PLXDC2: variants seen among roughly 807,000 people sequenced by gnomAD.
PLXDC2 encodes the protein plexin domain containing 2.
PLXDC2 carries 40 observed loss-of-function variants against 68.9 expected under a neutral mutation model. That is an observed-to-expected ratio of 0.58 (90% confidence interval 0.45 to 0.76). PLXDC2 has a LOEUF of 0.76. Among genes scored for constraint, PLXDC2 ranks in the 30% least tolerant of loss-of-function variants. The pLI is 0.00. For synonymous variants in PLXDC2, 243 were observed against 234.2 expected (o/e 1.04, Z -0.34); for missense variants, 644 against 661.9 (o/e 0.97, Z 0.30).
intron 1 of PLXDC2, among the ~76,000 whole-genome samples, chr10:19,927,009 G>A (rs1833547627): frequency 6.6e-6 from 1 of 152,134 alleles, no homozygotes; most frequent in African/African-American, 2.4e-5. Flanking sequence ...AGAGTCATCA[G>A]CCTCCCTTCT....
At chr10:19,891,042 T>A (rs1042878728) in intron 1 of PLXDC2, among the ~76,000 whole-genome samples, 1 of 152,180 alleles carries the variant, frequency 6.6e-6, no homozygotes, top group Non-Finnish European at 1.5e-5. Flanking sequence ...TTCTTGCTGA[T>A]CTGCCATGCA....
intron 4 of PLXDC2, among the ~76,000 whole-genome samples, chr10:20,119,347 G>A (rs1246355284): frequency 1.3e-5 from 2 of 151,754 alleles, no homozygotes; most frequent in Non-Finnish European, 2.9e-5. Flanking sequence ...TAAGATTTGG[G>A]TAGGTAAAGG....
At chr10:19,912,479 C>A (rs1248078755) in intron 1 of PLXDC2, among the ~76,000 whole-genome samples, 1 of 152,074 alleles carries the variant, frequency 6.6e-6, no homozygotes, top group East Asian at 1.9e-4. Flanking sequence ...TGTAGGCTAG[C>A]AAATCCTGCC....
intron 13 of PLXDC2, among the ~76,000 whole-genome samples, chr10:20,257,143 A>G (rs1288917496): frequency 6.6e-6 from 1 of 152,122 alleles, no homozygotes; most frequent in Admixed American, 6.5e-5. Context: ...ACTTTCTGAC[A>G]CTCACAGGTA....
rs869124443 is a variant in PLXDC2, at chr10:19,994,312, A to ATTTTTTTTTTTTTTTTTTTTTTTTTT, written c.113-7460_113-7435dup. ...TCTGACTACTTGGAAACATGATTAA[A>ATTTTTTTTTTTTTTTTTTTTTTTTTT]TTTTTTTTTTTTTTTTTTTTTTTTT... On this transcript the variant is annotated intron_variant, in intron 1 of 13. Coordinates refer to ENST00000377252, the MANE Select transcript of PLXDC2 (RefSeq NM_032812.9). Among the ~76,000 whole-genome samples, 18 of 34,312 alleles carry ATTTTTTTTTTTTTTTTTTTTTTTTTT rather than the reference A, an allele frequency of 5.2e-4. 1 individual carries two copies. The highest frequency in any genetic ancestry group is 8.4e-4 in the Non-Finnish European group (17 of 20,218). The allele number at this position is 34,312 out of a possible 152,430, so 22.5% of individuals were successfully genotyped here. A position where few individuals can be genotyped will look rare whatever the true frequency, so the allele number is the denominator to read the frequency against.
intron 4 of PLXDC2, among the ~76,000 whole-genome samples, chr10:20,140,404 A>T (rs868087393): frequency 1.9e-5 from 1 of 52,334 alleles, no homozygotes; most frequent in African/African-American, 8.3e-5. Flanking sequence ...ATATATATAA[A>T]ATATCTATCT....
intron 2 of PLXDC2, among the ~76,000 whole-genome samples, chr10:20,042,340 T>G (rs1835696802): frequency 6.6e-6 from 1 of 152,198 alleles, no homozygotes; most frequent in African/African-American, 2.4e-5. Context: ...TATTTTAAAA[T>G]AGATTTACCT....
chr10:19,867,515 T>C (rs901157057), intron 1 of PLXDC2, among the ~76,000 whole-genome samples: 2 of 152,192 alleles, frequency 1.3e-5, no homozygotes, highest in African/African-American at 4.8e-5. Flanking sequence ...TTTAACTTAC[T>C]TGGGGGCTAT....
chr10:19,918,366 C>A (rs1670109867), intron 1 of PLXDC2, among the ~76,000 whole-genome samples: 1 of 152,074 alleles, frequency 6.6e-6, no homozygotes, highest in South Asian at 2.1e-4. Flanking sequence ...TTCCTATAAG[C>A]CTAAGTGACG....
At chr10:20,092,600 A>G (rs1833295018) in intron 4 of PLXDC2, among the ~76,000 whole-genome samples, 2 of 152,138 alleles carry the variant, frequency 1.3e-5, no homozygotes, top group Admixed American at 6.6e-5. Flanking sequence ...TAAACTATTT[A>G]TGATCTGTAG....
chr10:20,041,685 C>T (rs1835685819), intron 2 of PLXDC2, among the ~76,000 whole-genome samples: 4 of 151,980 alleles, frequency 2.6e-5, no homozygotes, highest in Non-Finnish European at 5.9e-5. Flanking sequence ...ATGCCTTAAC[C>T]AAAGATGGCA....
At chr10:20,062,045 C>T (rs999264425) in intron 3 of PLXDC2, among the ~76,000 whole-genome samples, 1 of 152,154 alleles carries the variant, frequency 6.6e-6, no homozygotes, top group Non-Finnish European at 1.5e-5. Context: ...TTATGATGGC[C>T]AGGTATTATT....
intron 9 of PLXDC2, among the ~76,000 whole-genome samples, chr10:20,189,368 C>T (rs1384471483): frequency 6.7e-6 from 1 of 149,546 alleles, no homozygotes; most frequent in East Asian, 2.0e-4. Flanking sequence ...ATTACCATTT[C>T]ATCATAATCA....
rs752192538 is a variant in PLXDC2 at position 20,046,852 on chromosome 10, A to G, written c.325-17A>G. 5.0e-6 allele frequency: 8 copies of G among 1,587,762 alleles called. No homozygotes were observed. In the East Asian group the frequency reaches 1.6e-4, roughly 31 times the overall value. ...AACATCTCGGTTCTTGATATACATT[A>G]TTATCTATTATTGCAGGAGGATACA... On this transcript the variant is annotated splice_polypyrimidine_tract_variant and intron_variant, in intron 2 of 13. Transcript: ENST00000377252.
intron 9 of PLXDC2, among the ~76,000 whole-genome samples, chr10:20,206,766 G>A (rs1834998316): frequency 6.6e-6 from 1 of 151,988 alleles, no homozygotes; most frequent in African/African-American, 2.4e-5. Flanking sequence ...TCCAATGTGG[G>A]AGAGCCTCTT....
At chr10:20,187,860 C>T (rs1015017558) in intron 9 of PLXDC2, among the ~76,000 whole-genome samples, 2 of 151,698 alleles carry the variant, frequency 1.3e-5, no homozygotes, top group Non-Finnish European at 2.9e-5. Flanking sequence ...TTTTAAATGT[C>T]TTTCTATATT....
chr10:19,945,082 A>G (rs1399052806), intron 1 of PLXDC2, among the ~76,000 whole-genome samples: 10 of 152,262 alleles, frequency 6.6e-5, no homozygotes, highest in Admixed American at 5.9e-4. Context: ...GCCCAAGAGT[A>G]GCTTACAGTC....
intron 1 of PLXDC2, among the ~76,000 whole-genome samples, chr10:19,941,390 G>A (rs745603819): frequency 8.5e-5 from 13 of 152,166 alleles, no homozygotes; most frequent in Admixed American, 2.6e-4. Flanking sequence ...CCCACTGAAT[G>A]CAGGTGTCCT....
chr10:19,849,532 C>T (rs1487400520), intron 1 of PLXDC2, among the ~76,000 whole-genome samples: 3 of 152,136 alleles, frequency 2.0e-5, no homozygotes, highest in Non-Finnish European at 4.4e-5. Context: ...AACTCATTCA[C>T]TATCCCATGA....
Sources: gnomAD v4.1 joint callset for allele counts (sites outside exome capture counted in the v4.1 genomes callset) on GRCh38, gnomAD v4.1.1 for gene constraint, MANE v1.5 for transcripts, NCBI Gene and HGNC (gene_info 2026-07-23, HGNC 2026-07-21) for gene names.